The following ESRRB variants were observed in gnomAD, a reference collection of about 807,000 sequenced individuals.
The protein encoded by ESRRB is estrogen related receptor beta, also known as steroid hormone receptor ERR2.
ESRRB carries 16 observed loss-of-function variants against 46.0 expected under a neutral mutation model. The ratio of observed to expected loss-of-function variants is 0.35; its 90% CI spans 0.24 to 0.53. The LOEUF is 0.53. Among genes scored for constraint, ESRRB ranks in the 20% least tolerant of loss-of-function variants. The pLI is 0.93. For synonymous variants in ESRRB, 246 were observed against 259.6 expected, an observed-to-expected ratio of 0.95 and a Z score of 0.50; for missense variants, 488 against 607.4, an observed-to-expected ratio of 0.80 and a Z score of 2.07.
chr14:76,478,195 C>G (rs1889656178), intron 3 of ESRRB, among the ~76,000 whole-genome samples: 1 of 152,186 alleles, frequency 6.6e-6, no homozygotes, highest in Non-Finnish European at 1.5e-5. Context: ...TGAGCCGCCC[C>G]TGGCCTTAAC....
At chr14:76,314,854 T>C (rs546578116) in intron 1 of ESRRB, among the ~76,000 whole-genome samples, 35 of 152,132 alleles carry the variant, frequency 2.3e-4, no homozygotes, top group African/African-American at 7.5e-4. Context: ...AAACAGGCCC[T>C]GGCTCCCCTG....
At position 76,500,706 on chromosome 14, in the gene ESRRB, C is replaced by G. The variant is rs2140068958; in HGVS notation, c.*2248C>G. 3 of 1,613,976 alleles carry G rather than the reference C, an allele frequency of 1.9e-6. No individual in the cohort carries two copies. Among genetic ancestry groups the G allele is most frequent in the Non-Finnish European group, 8.5e-7 (1 of 1,179,874 alleles). On this transcript the variant is annotated 3_prime_UTR_variant, in exon 7 of 7. Transcript: ENST00000644823. ...TCTGTCTTTTCTAGGGAAAGCATCT[C>G]TGGCTCACCATGTAACATCTGGCTT... is the stretch of plus-strand genomic sequence containing the variant.
Position 76,498,200 on chromosome 14 carries a change from C to A in ESRRB, c.1121-14C>A. ...CCTGGCCAAGCCTGCTAATGCTCGT[C>A]CTTGTGCCTGCAGATTCCATGTACA... On this transcript the variant is annotated splice_polypyrimidine_tract_variant and intron_variant, in intron 6 of 6. Coordinates refer to ENST00000644823, the MANE Select transcript of ESRRB (RefSeq NM_001379180.1). The A allele has an allele frequency of 1.2e-6, 2 of 1,613,634 alleles. No individual in the cohort carries two copies. The highest frequency in any genetic ancestry group is 1.7e-6 in the Non-Finnish European group (2 of 1,179,988).
chr14:76,352,885 C>G (rs1884331223), intron 1 of ESRRB, among the ~76,000 whole-genome samples: 1 of 152,228 alleles, frequency 6.6e-6, no homozygotes, highest in Non-Finnish European at 1.5e-5. Flanking sequence ...CACCGTCCGC[C>G]CTTCCTAGTT....
At chr14:76,449,835 T>C (rs1888311813) in intron 2 of ESRRB, among the ~76,000 whole-genome samples, 1 of 150,514 alleles carries the variant, frequency 6.6e-6, no homozygotes, top group Admixed American at 6.7e-5. Context: ...GACATGATCA[T>C]GGCTTACTGT....
intron 5 of ESRRB, among the ~76,000 whole-genome samples, chr14:76,488,528 G>C (rs986003382): frequency 1.3e-5 from 2 of 152,190 alleles, no homozygotes; most frequent in Non-Finnish European, 2.9e-5. Context: ...ACCAAGTACT[G>C]TGGGCACATT....
chr14:76,339,567 C>T (rs563627752), intron 1 of ESRRB, among the ~76,000 whole-genome samples: 1 of 152,224 alleles, frequency 6.6e-6, no homozygotes, highest in Non-Finnish European at 1.5e-5. Context: ...CATGTCCAGA[C>T]AGGCCCCTGT....
chr14:76,372,178 CG>C (rs1884641672), upstream of ESRRB, among the ~76,000 whole-genome samples: 1 of 150,804 alleles, frequency 6.6e-6, no homozygotes. Context: ...TGGGAAAGGG[CG>C]GGTGGTTAGT....
At position 76,450,242 on chromosome 14, in the gene ESRRB, T is replaced by C. The variant is rs147931958; in HGVS notation, c.460+10492T>C. ...TCATCAAGGAATCCTGGGACCAGCG[T>C]TCCAGGCAGAGGAAAAAGCCAGTGT... On this transcript the variant is annotated intron_variant, in intron 2 of 6. Transcript: ENST00000644823. Among the ~76,000 whole-genome samples, 634 of 152,156 alleles carry C rather than the reference T, an allele frequency of 4.2e-3. 5 individuals are homozygous for C. The highest frequency in any genetic ancestry group is 0.014 in the African/African-American group (599 of 41,512).
At chr14:76,458,241 C>A (rs1376756436) in intron 2 of ESRRB, among the ~76,000 whole-genome samples, 1 of 152,140 alleles carries the variant, frequency 6.6e-6, no homozygotes, top group African/African-American at 2.4e-5. Flanking sequence ...TTCCTACACG[C>A]TCCTAGGCCC....
At chr14:76,489,972 G>T (rs141118943) in intron 5 of ESRRB, among the ~76,000 whole-genome samples, 2 of 152,174 alleles carry the variant, frequency 1.3e-5, no homozygotes, top group Non-Finnish European at 1.5e-5. Context: ...TGCTGATGGC[G>T]CCGGGAGAGG....
intron 3 of ESRRB, among the ~76,000 whole-genome samples, chr14:76,469,233 A>T (rs1889256241): frequency 6.6e-6 from 1 of 152,136 alleles, no homozygotes; most frequent in African/African-American, 2.4e-5. Flanking sequence ...AGCTGAGATT[A>T]TAGGCATGCG....
chr14:76,428,990 C>T (rs1371123688), intron 1 of ESRRB, among the ~76,000 whole-genome samples: 1 of 152,128 alleles, frequency 6.6e-6, no homozygotes, highest in East Asian at 1.9e-4. Context: ...TTGGGTCATC[C>T]TGCAGCCCTG....
chr14:76,422,206 C>CTTTT lies in ESRRB; in HGVS notation c.51-17115_51-17112dup, dbSNP rs552738537. 9.6e-3 allele frequency among the ~76,000 whole-genome samples: 906 copies of CTTTT among 94,738 alleles called. 12 individuals carry two copies. The highest frequency in any genetic ancestry group is 0.013 in the Non-Finnish European group (678 of 52,292). The allele number at this position is 94,738 out of a possible 152,430, so 62.2% of individuals were successfully genotyped here. On this transcript the variant is annotated intron_variant, in intron 1 of 6. Coordinates refer to ENST00000644823, the MANE Select transcript of ESRRB (RefSeq NM_001379180.1). ...CGCACAGCCCTTGCCACATTTCCTT[C>CTTTT]TTTTTTTTTTTTTTTTTTTTTTTGA...
chr14:76,337,369 G>C (rs1247578607), intron 1 of ESRRB, among the ~76,000 whole-genome samples: 1 of 152,152 alleles, frequency 6.6e-6, no homozygotes, highest in Admixed American at 6.5e-5. Flanking sequence ...AGAGGTGTTA[G>C]GTAGGAAGGT....
At chr14:76,353,692 C>G (rs1325166267) in intron 1 of ESRRB, among the ~76,000 whole-genome samples, 2 of 152,164 alleles carry the variant, frequency 1.3e-5, no homozygotes, top group Non-Finnish European at 2.9e-5. Context: ...TGGCTCATGC[C>G]TGTAATCCCA....
chr14:76,389,628 G>A (rs1885386370), intron 1 of ESRRB, among the ~76,000 whole-genome samples: 1 of 152,168 alleles, frequency 6.6e-6, no homozygotes, highest in South Asian at 2.1e-4. Context: ...GGGGTTAAGA[G>A]GGAAAACCCT....
At chr14:76,348,524 A>G (rs1318137713) in intron 1 of ESRRB, among the ~76,000 whole-genome samples, 1 of 152,188 alleles carries the variant, frequency 6.6e-6, no homozygotes, top group African/African-American at 2.4e-5. Context: ...ATCCTTAGCC[A>G]ACTGAATTCT....
intron 2 of ESRRB, 38 bp from the exon 3 acceptor site, chr14:76,462,507 G>T (rs539967827): frequency 6.5e-7 from 1 of 1,544,352 alleles, no homozygotes; most frequent in African/African-American, 1.4e-5. Context: ...GGCCCTGGGC[G>T]GCCAGCACCC....
Sources: allele counts gnomAD v4.1 joint callset (sites outside exome capture counted in the v4.1 genomes callset), GRCh38; gene constraint gnomAD v4.1.1; transcripts MANE v1.5; gene names NCBI Gene and HGNC (gene_info 2026-07-23, HGNC 2026-07-21).